Variants in SAMD3 observed in about 807,000 individuals in gnomAD.
SAMD3 encodes the protein sterile alpha motif domain-containing protein 3.
In SAMD3, 63 loss-of-function variants were observed where a neutral mutation model predicts 58.5. The observed-to-expected ratio is 1.08, with a 90% CI of 0.88 to 1.33. The LOEUF is 1.33. Ranked by LOEUF, SAMD3 falls within the 40% of genes most tolerant of loss-of-function variation. SAMD3 has a pLI of 0.00. For synonymous variants in SAMD3, 220 were observed against 210.3 expected, an observed-to-expected ratio of 1.05 and a Z score of -0.40; for missense variants, 604 against 608.4, an observed-to-expected ratio of 0.99 and a Z score of 0.08.
At chr6:130,334,491 G>A (rs1455106929) in intron 1 of SAMD3, among the ~76,000 whole-genome samples, 1 of 152,178 alleles carries the variant, frequency 6.6e-6, no homozygotes, top group African/African-American at 2.4e-5. Flanking sequence ...AACATAGTAT[G>A]GTAGAAACAG....
intron 2 of SAMD3, among the ~76,000 whole-genome samples, chr6:130,293,677 T>C (rs1775461524): frequency 9.8e-6 from 1 of 101,638 alleles, no homozygotes; most frequent in African/African-American, 3.1e-5. Context: ...ATATTTGATG[T>C]TGACATATGA....
chr6:130,231,776 G>T (rs1796556515), intron 2 of SAMD3, among the ~76,000 whole-genome samples: 1 of 152,004 alleles, frequency 6.6e-6, no homozygotes, highest in Non-Finnish European at 1.5e-5. Context: ...GAGCAATCAG[G>T]AATATTCAGT....
intron 1 of SAMD3, among the ~76,000 whole-genome samples, chr6:130,324,188 T>C (rs1583106613): frequency 6.6e-6 from 1 of 152,254 alleles, no homozygotes; most frequent in Non-Finnish European, 1.5e-5. Flanking sequence ...GAAAGATTAG[T>C]TTAATCTCAA....
intron 2 of SAMD3, among the ~76,000 whole-genome samples, chr6:130,288,564 C>T (rs9492528): frequency 0.12 from 17,522 of 152,182 alleles, 2,744 homozygotes; most frequent in African/African-American, 0.36. Flanking sequence ...AAGATGGAAG[C>T]CAAAGGGACA....
At chr6:130,236,418 C>T (rs1280740357) in intron 2 of SAMD3, among the ~76,000 whole-genome samples, 1 of 149,162 alleles carries the variant, frequency 6.7e-6, no homozygotes, top group Non-Finnish European at 1.5e-5. Context: ...GAGTCATGCT[C>T]TGTCACTTAG....
intron 1 of SAMD3, among the ~76,000 whole-genome samples, chr6:130,332,526 G>A (rs1776965544): frequency 6.6e-6 from 1 of 152,178 alleles, no homozygotes; most frequent in Non-Finnish European, 1.5e-5. Flanking sequence ...CAGAAGTGGA[G>A]TATTTTAGAA....
chr6:130,152,471 G>A (rs1330530857), intron 9 of SAMD3, among the ~76,000 whole-genome samples: 3 of 152,166 alleles, frequency 2.0e-5, no homozygotes, highest in East Asian at 3.9e-4. Flanking sequence ...GAGCTCAGGA[G>A]TTCAAGACCA....
rs371709539 is a variant in SAMD3 at position 130,168,232 on chromosome 6, G to C, written c.822+7609C>G. ...GCGGATCACCTGAGGTCAGGAGTTCGAGACCAGCCTGCCCAACTTGGCAAA... is the reference window on the plus strand; with the variant it reads ...GCGGATCACCTGAGGTCAGGAGTTCCAGACCAGCCTGCCCAACTTGGCAAA... On this transcript the variant is annotated intron_variant, in intron 8 of 11. Coordinates refer to ENST00000439090, the MANE Select transcript of SAMD3 (RefSeq NM_001017373.4). Among the ~76,000 whole-genome samples, 20 of 152,170 alleles carry C rather than the reference G, an allele frequency of 1.3e-4. 1 individual carries two copies. The highest frequency in any genetic ancestry group is 3.9e-4 in the East Asian group (2 of 5,162).
At chr6:130,156,340 A>G (rs1365343675) in intron 8 of SAMD3, among the ~76,000 whole-genome samples, 1 of 151,994 alleles carries the variant, frequency 6.6e-6, no homozygotes, top group Non-Finnish European at 1.5e-5. Context: ...AAAGAAAAGA[A>G]AAAAAAGGAA....
At chr6:130,331,861 T>C (rs1776945410) in intron 1 of SAMD3, among the ~76,000 whole-genome samples, 2 of 152,250 alleles carry the variant, frequency 1.3e-5, no homozygotes, top group African/African-American at 4.8e-5. Flanking sequence ...TGGTGAGGTA[T>C]GTATTCTCTT....
At chr6:130,342,015 C>T (rs1417655638) in intron 1 of SAMD3, among the ~76,000 whole-genome samples, 1 of 152,142 alleles carries the variant, frequency 6.6e-6, no homozygotes, top group Non-Finnish European at 1.5e-5. Context: ...TAATTGTTTG[C>T]TTTGTTTTGG....
intron 1 of SAMD3, among the ~76,000 whole-genome samples, chr6:130,326,234 A>G (rs748969402): frequency 6.6e-6 from 1 of 151,974 alleles, no homozygotes; most frequent in Non-Finnish European, 1.5e-5. Flanking sequence ...TTCTAGCCTC[A>G]TGTTTCTCTA....
chr6:130,152,747 A>T (rs1423715723), intron 9 of SAMD3, among the ~76,000 whole-genome samples: 2 of 152,142 alleles, frequency 1.3e-5, no homozygotes, highest in African/African-American at 4.8e-5. Flanking sequence ...TCATTACAAA[A>T]ACCATACTCC....
intron 5 of SAMD3, among the ~76,000 whole-genome samples, chr6:130,189,387 G>T (rs2114730265): frequency 6.6e-6 from 1 of 152,296 alleles, no homozygotes; most frequent in Admixed American, 6.5e-5. Context: ...AGAGGTCAGT[G>T]CCTTGATCTC....
chr6:130,146,101 AT>A lies in SAMD3; in HGVS notation c.1103del (p.Asn368IlefsTer3), dbSNP rs773295216. On this transcript the variant is annotated frameshift_variant, in exon 10 of 12. Coordinates refer to ENST00000439090, the MANE Select transcript of SAMD3 (RefSeq NM_001017373.4). LOFTEE classifies it high-confidence loss of function. Reference sequence around the variant, plus strand: ...CCACCACTGAAAAAGAAGTCAGTATATTTTCTGAATAGGATTCCAAAATGTG... The same window carrying A: ...CCACCACTGAAAAAGAAGTCAGTATATTTCTGAATAGGATTCCAAAATGTG... ...TRHILESYSE[N>X]ILTSFSVVDN... 6.2e-7 allele frequency: 1 copy of A among 1,601,778 alleles called. No individual in the cohort carries two copies. Among genetic ancestry groups the A allele is most frequent in the Non-Finnish European group, 8.5e-7 (1 of 1,173,562 alleles).
intron 2 of SAMD3, among the ~76,000 whole-genome samples, chr6:130,279,849 A>C (rs7749097): frequency 0.12 from 18,332 of 152,062 alleles, 1,522 homozygotes; most frequent in East Asian, 0.36. Flanking sequence ...TGAGAAACGG[A>C]CTAATACACC....
chr6:130,283,396 A>G (rs954235097), intron 2 of SAMD3, among the ~76,000 whole-genome samples: 1 of 152,236 alleles, frequency 6.6e-6, no homozygotes, highest in Admixed American at 6.5e-5. Flanking sequence ...GATTAAGGCA[A>G]CATTATAAGT....
Position 130,151,311 on chromosome 6 carries a change from C to T in SAMD3, c.1023+3514G>A, listed in dbSNP as rs1789150828. 2.6e-5 allele frequency among the ~76,000 whole-genome samples: 4 copies of T among 152,218 alleles called. No individual in the cohort carries two copies. The South Asian group carries it at 8.3e-4, about 32-fold the overall frequency. On this transcript the variant is annotated intron_variant, in intron 9 of 11. Transcript: ENST00000439090. ...GTCCTGCATTGCCTGTACCTTAATG[C>T]CTGAGTGCAGTTGCCTCATACATAT...
At chr6:130,355,164 C>T (rs1299577882) in intron 1 of SAMD3, among the ~76,000 whole-genome samples, 2 of 152,182 alleles carry the variant, frequency 1.3e-5, no homozygotes, top group African/African-American at 2.4e-5. Context: ...TGGCTCACGC[C>T]TGTGATCCTA....
Sources: allele counts gnomAD v4.1 joint callset (sites outside exome capture counted in the v4.1 genomes callset), GRCh38; gene constraint gnomAD v4.1.1; transcripts MANE v1.5; gene names NCBI Gene and HGNC (gene_info 2026-07-23, HGNC 2026-07-21).